CDH13: variants seen among roughly 807,000 people sequenced by gnomAD.
CDH13 encodes the protein cadherin-13.
A neutral mutation model predicts 63.8 loss-of-function variants in CDH13; 24 were observed. The observed-to-expected ratio is 0.38, with a 90% CI of 0.27 to 0.53. The LOEUF (loss-of-function observed/expected upper bound fraction) is 0.53, where lower values mean the gene tolerates loss of function less well. Among genes scored for constraint, CDH13 ranks in the 20% least tolerant of loss-of-function variants. CDH13 has a pLI of 0.85. For missense variants in CDH13, 1,049 were observed against 903.1 expected (o/e 1.16, Z -2.07); for synonymous variants, 503 against 355.3 (o/e 1.42, Z -4.67).
At chr16:83,445,388 C>G (rs766820931) in intron 6 of CDH13, among the ~76,000 whole-genome samples, 60 of 151,702 alleles carry the variant, frequency 4.0e-4, no homozygotes, top group Non-Finnish European at 7.5e-4. Flanking sequence ...TAAGTTTTCC[C>G]TAAAATGAAT....
chr16:82,746,558 C>T (rs1470616003), intron 1 of CDH13, among the ~76,000 whole-genome samples: 3 of 151,842 alleles, frequency 2.0e-5, no homozygotes, highest in Non-Finnish European at 2.9e-5. Flanking sequence ...TGACTTTATG[C>T]CTTCATAACT....
chr16:83,515,548 G>C (rs1458393487), intron 7 of CDH13, among the ~76,000 whole-genome samples: 1 of 152,172 alleles, frequency 6.6e-6, no homozygotes, highest in Non-Finnish European at 1.5e-5. Flanking sequence ...AAAGATACTG[G>C]TTTAGATTCA....
intron 1 of CDH13, among the ~76,000 whole-genome samples, chr16:82,698,448 G>A (rs1176902049): frequency 6.6e-6 from 1 of 152,242 alleles, no homozygotes; most frequent in African/African-American, 2.4e-5. Context: ...TTAACAAGCA[G>A]TGCTCACTGC....
intron 2 of CDH13, among the ~76,000 whole-genome samples, chr16:82,866,121 C>G (rs1346245662): frequency 6.6e-6 from 1 of 152,148 alleles, no homozygotes; most frequent in African/African-American, 2.4e-5. Context: ...TCATCACCCT[C>G]TGAGACCACA....
chr16:82,792,133 C>T (rs1011217220), intron 1 of CDH13, among the ~76,000 whole-genome samples: 1 of 152,096 alleles, frequency 6.6e-6, no homozygotes, highest in East Asian at 1.9e-4. Context: ...ATAAACCATC[C>T]ATCTCTGAGC....
At chr16:82,734,676 G>T (rs1474171738) in intron 1 of CDH13, among the ~76,000 whole-genome samples, 1 of 152,236 alleles carries the variant, frequency 6.6e-6, no homozygotes, top group Admixed American at 6.5e-5. Context: ...GAGAAGTCCA[G>T]CTATGATACA....
intron 1 of CDH13, among the ~76,000 whole-genome samples, chr16:82,794,323 C>G (rs768121366): frequency 7.7e-6 from 1 of 130,206 alleles, no homozygotes; most frequent in Non-Finnish European, 1.8e-5. Context: ...CTCGCCAGCT[C>G]TGCAAAATAA....
intron 7 of CDH13, among the ~76,000 whole-genome samples, chr16:83,492,458 T>A (rs1202191771): frequency 6.6e-6 from 1 of 152,200 alleles, no homozygotes; most frequent in East Asian, 1.9e-4. Flanking sequence ...CTTCGAGCTA[T>A]TTACTCATAA....
intron 13 of CDH13, among the ~76,000 whole-genome samples, chr16:83,785,071 G>T (rs1390653211): frequency 2.0e-5 from 3 of 152,192 alleles, no homozygotes; most frequent in Non-Finnish European, 4.4e-5. Context: ...GAAGAAATTA[G>T]GAAACCTTGT....
intron 2 of CDH13, among the ~76,000 whole-genome samples, chr16:82,952,385 A>C (rs1418813065): frequency 6.6e-6 from 1 of 152,190 alleles, no homozygotes; most frequent in Non-Finnish European, 1.5e-5. Context: ...TTGGAAAGTA[A>C]TTACCATAGT....
intron 6 of CDH13, among the ~76,000 whole-genome samples, chr16:83,441,873 G>A (rs1267580453): frequency 1.3e-5 from 2 of 152,138 alleles, no homozygotes; most frequent in South Asian, 2.1e-4. Context: ...TGTATACGAG[G>A]CTTTGTTCAG....
chr16:82,896,321 T>C (rs1260334480), intron 2 of CDH13, among the ~76,000 whole-genome samples: 1 of 137,052 alleles, frequency 7.3e-6, no homozygotes, highest in African/African-American at 2.8e-5. Flanking sequence ...AAACAAGGTC[T>C]TCCTCTGTCT....
intron 2 of CDH13, among the ~76,000 whole-genome samples, chr16:83,020,082 T>A (rs547348356): frequency 6.6e-6 from 1 of 152,272 alleles, no homozygotes; most frequent in South Asian, 2.1e-4. Context: ...TCCGTTATCA[T>A]CTTACGGGAT....
intron 4 of CDH13, among the ~76,000 whole-genome samples, chr16:83,202,456 G>A (rs1019142574): frequency 7.9e-5 from 12 of 152,168 alleles, no homozygotes; most frequent in African/African-American, 2.7e-4. Context: ...TGATCCAATT[G>A]GAAGAGACAG....
chr16:83,333,074 G>A (rs2090512399), intron 5 of CDH13, among the ~76,000 whole-genome samples: 1 of 152,062 alleles, frequency 6.6e-6, no homozygotes, highest in Admixed American at 6.6e-5. Context: ...TTTATAAGGA[G>A]ATATAAACAC....
At chr16:83,553,510 C>G (rs1020911255) in intron 7 of CDH13, among the ~76,000 whole-genome samples, 1 of 152,132 alleles carries the variant, frequency 6.6e-6, no homozygotes, top group African/African-American at 2.4e-5. Flanking sequence ...CTTTCATGAG[C>G]ATTTTTATCT....
At chr16:83,644,453 A>G (rs1006918663) in intron 8 of CDH13, among the ~76,000 whole-genome samples, 7 of 152,260 alleles carry the variant, frequency 4.6e-5, no homozygotes, top group Admixed American at 3.3e-4. Context: ...CTTCACGTAC[A>G]TATATGAAAG....
At chr16:83,528,291 T>C (rs11859095) in intron 7 of CDH13, among the ~76,000 whole-genome samples, 7,188 of 152,314 alleles carry the variant, frequency 0.047, 559 homozygotes, top group African/African-American at 0.16. Context: ...TTTTGGTTGA[T>C]CACATTTTAA....
intron 11 of CDH13, among the ~76,000 whole-genome samples, chr16:83,768,495 A>G (rs1914548558): frequency 6.6e-6 from 1 of 152,232 alleles, no homozygotes; most frequent in African/African-American, 2.4e-5. Context: ...GTCATGATCC[A>G]GACCCCAAGA....
Sources: allele counts gnomAD v4.1 joint callset (sites outside exome capture counted in the v4.1 genomes callset), GRCh38; gene constraint gnomAD v4.1.1; transcripts MANE v1.5; gene names NCBI Gene and HGNC (gene_info 2026-07-23, HGNC 2026-07-21).